The following RCN3 variants were observed in gnomAD, a reference collection of about 807,000 sequenced individuals.
The protein encoded by RCN3 is reticulocalbin 3, also known as reticulocalbin-3.
In RCN3, 41 loss-of-function variants were observed where a neutral mutation model predicts 35.9. The ratio of observed to expected loss-of-function variants is 1.14; its 90% confidence interval spans 0.89 to 1.48. RCN3 has a LOEUF of 1.48. Among genes scored for constraint, RCN3 ranks in the 40% most tolerant of loss-of-function variants. The pLI, the probability that RCN3 is intolerant of heterozygous loss-of-function variation, is 0.00. For synonymous variants in RCN3, 187 were observed against 193.4 expected, an observed-to-expected ratio of 0.97 and a Z score of 0.27; for missense variants, 451 against 471.3, an observed-to-expected ratio of 0.96 and a Z score of 0.40.
intron 5 of RCN3, among the ~76,000 whole-genome samples, chr19:49,541,024 A>C (rs1317611346): frequency 1.3e-5 from 2 of 150,668 alleles, no homozygotes; most frequent in Middle Eastern, 3.5e-3. Context: ...TCCGCCTCCC[A>C]GGTTCAAGCA....
chr19:49,535,062 G>C (rs111794900), intron 3 of RCN3, among the ~76,000 whole-genome samples: 1 of 151,996 alleles, frequency 6.6e-6, no homozygotes, highest in South Asian at 2.1e-4. Context: ...CTCCGGGGGC[G>C]GGGTTCTTCA....
rs1313048452 is a variant in RCN3, at chr19:49,543,384, C to A, written c.*171C>A. 4 of 621,392 alleles carry A rather than the reference C, an allele frequency of 6.4e-6. No individual in the cohort carries two copies. In the South Asian group the frequency reaches 7.4e-5, roughly 11 times the overall value. 38.5% of individuals were successfully genotyped at this position (621,392 alleles called of 1,614,324 possible). A position where few individuals can be genotyped will look rare whatever the true frequency, so the allele number is the denominator to read the frequency against. ...TGGGTCGGCTTCTGTCCCTGTCACACCCCCAACCCCAGGGAGGGGCTGTCA... is the reference window on the plus strand; with the variant it reads ...TGGGTCGGCTTCTGTCCCTGTCACAACCCCAACCCCAGGGAGGGGCTGTCA... On this transcript the variant is annotated 3_prime_UTR_variant, in exon 7 of 7. Coordinates refer to ENST00000270645, the MANE Select transcript of RCN3 (RefSeq NM_020650.3).
At chr19:49,529,011 G>A (rs1413026915) in intron 2 of RCN3, among the ~76,000 whole-genome samples, 4 of 151,970 alleles carry the variant, frequency 2.6e-5, no homozygotes, top group Admixed American at 1.3e-4. Context: ...GTGAAATCCC[G>A]TCTCTACTAA....
chr19:49,542,559 T>C lies in RCN3; in HGVS notation c.686T>C (p.Leu229Pro), dbSNP rs773191370. The change falls in exon 6 of 7, where the codon CTG (leucine) becomes CCG (proline). Residue 229 changes from leucine (L) to proline (P), a missense_variant. By Grantham distance (98) the Leu-to-Pro change is moderately conservative. Transcript: ENST00000270645. ...YVQVEEYIAD[L>P]YSAEPGEEEP... ...CCTCTGTCCCGGCCCCCAGCGGATC[T>C]GTACTCAGCCGAGCCTGGGGAGGAG... is the stretch of plus-strand genomic sequence containing the variant. 3.8e-6 allele frequency: 6 copies of C among 1,596,680 alleles called. 1 individual carries two copies. In the South Asian group the frequency reaches 5.7e-5, roughly 15 times the overall value.
intron 6 of RCN3, among the ~76,000 whole-genome samples, 154 bp downstream of exon 6, chr19:49,542,906 A>AG (rs1255402721): frequency 8.5e-5 from 13 of 152,114 alleles, no homozygotes; most frequent in Admixed American, 3.9e-4. Flanking sequence ...GAGGGCACGG[A>AG]GCCCCAGAAA....
In RCN3 at chr19:49,542,892, A is replaced by C. The variant is rs1184964380; in HGVS notation, c.879+140A>C. 3.2e-6 allele frequency: 3 copies of C among 942,466 alleles called. No homozygotes were observed. In the East Asian group the frequency reaches 7.9e-5, roughly 25 times the overall value. The allele number at this position is 942,466 out of a possible 1,614,324, so 58.4% of individuals were successfully genotyped here. On this transcript the variant is annotated intron_variant, in intron 6 of 6. Transcript: ENST00000270645. ...AAAGAGGGACAGAGAGAGGGAGGAA[A>C]AGAGAGGGCACGGAGCCCCAGAAAG...
At chr19:49,532,145 A>G (rs1183979990) in intron 2 of RCN3, among the ~76,000 whole-genome samples, 1 of 100,338 alleles carries the variant, frequency 1.0e-5, no homozygotes, top group Non-Finnish European at 1.9e-5. Context: ...TCACTCTGTC[A>G]TCCAGGCTGG....
chr19:49,542,781 A>C (rs1568713350), intron 6 of RCN3, 29 bp downstream of exon 6: 2 of 1,550,494 alleles, frequency 1.3e-6, no homozygotes, highest in Admixed American at 3.9e-5. Flanking sequence ...GGCAGGAGCG[A>C]GGAGCGGGTG....
At chr19:49,528,425 C>T (rs376221575) in intron 1 of RCN3, 42 bp from the exon 2 acceptor site, 2 of 1,452,040 alleles carry the variant, frequency 1.4e-6, no homozygotes, top group Non-Finnish European at 1.8e-6. Flanking sequence ...TGTCTGTCCC[C>T]ATCCCTGTGA....
At chr19:49,537,450 C>A (rs2122732254) in intron 4 of RCN3, among the ~76,000 whole-genome samples, 1 of 152,242 alleles carries the variant, frequency 6.6e-6, no homozygotes, top group Non-Finnish European at 1.5e-5. Context: ...CATTTGGGGT[C>A]CAGGCCCCCA....
In RCN3 at chr19:49,539,182, G is replaced by T. The variant is rs374733821; in HGVS notation, c.679+3G>T. 3.7e-5 allele frequency: 59 copies of T among 1,609,434 alleles called. No individual in the cohort carries two copies. In the African/African-American group the frequency reaches 6.6e-4, roughly 18 times the overall value. On this transcript the variant is annotated splice_donor_region_variant and intron_variant, in intron 5 of 6. Transcript: ENST00000270645. ...TGTCCAGGTGGAGGAGTACATCGGT[G>T]AGTGGGCCCCAATTTCTTCTTGGGA... is the stretch of plus-strand genomic sequence containing the variant.
intron 2 of RCN3, among the ~76,000 whole-genome samples, chr19:49,529,230 T>G (rs2080096799): frequency 6.6e-6 from 1 of 152,102 alleles, no homozygotes; most frequent in Middle Eastern, 3.2e-3. Context: ...CAGCAAAATC[T>G]GGGTTAGATT....
chr19:49,533,583 G>C (rs1291649134), intron 2 of RCN3, among the ~76,000 whole-genome samples: 1 of 152,094 alleles, frequency 6.6e-6, no homozygotes, highest in Non-Finnish European at 1.5e-5. Flanking sequence ...CCGGGGTTGC[G>C]GGTGATGGTC....
At chr19:49,540,161 C>CTGTG (rs142600017) in intron 5 of RCN3, among the ~76,000 whole-genome samples, 4 of 151,214 alleles carry the variant, frequency 2.6e-5, no homozygotes, top group East Asian at 1.9e-4. Context: ...ATCTGTCTGT[C>CTGTG]TGTGTGTGTG....
chr19:49,540,956 G>T (rs1368153443), intron 5 of RCN3, among the ~76,000 whole-genome samples: 1 of 147,948 alleles, frequency 6.8e-6, no homozygotes, highest in African/African-American at 2.5e-5. Context: ...TTGAGACAGA[G>T]TCTCGCTATT....
At chr19:49,538,904 C>G (rs1023452305) in intron 4 of RCN3, among the ~76,000 whole-genome samples, 5 of 152,134 alleles carry the variant, frequency 3.3e-5, no homozygotes, top group African/African-American at 1.2e-4. Flanking sequence ...TGGGCTCTGG[C>G]CCCGTAAATG....
chr19:49,533,963 C>T (rs1344859844), intron 2 of RCN3, among the ~76,000 whole-genome samples: 1 of 152,090 alleles, frequency 6.6e-6, no homozygotes, highest in Non-Finnish European at 1.5e-5. Context: ...CAGGCCCGCT[C>T]GTTCTGGAGA....
At chr19:49,528,737 G>T (rs1486426550) in intron 2 of RCN3, 23 bp downstream of exon 2, 7 of 1,548,750 alleles carry the variant, frequency 4.5e-6, no homozygotes, top group Middle Eastern at 3.5e-4. Context: ...TTCGGTTGGG[G>T]CGTGTCCAGA....
In RCN3 at chr19:49,530,190, A is replaced by T. The variant is rs1026418877; in HGVS notation, c.242+1476A>T. Among the ~76,000 whole-genome samples the T allele has an allele frequency of 6.2e-5, 9 of 146,104 alleles. No individual in the cohort carries two copies. In the South Asian group the frequency reaches 6.5e-4, roughly 11 times the overall value. On this transcript the variant is annotated intron_variant, in intron 2 of 6. Coordinates refer to ENST00000270645, the MANE Select transcript of RCN3 (RefSeq NM_020650.3). ...CTTTTTTTTTTTTGGAGACAGAGTG[A>T]GACTCTGTCTCCCGGGCTAGAGTGC...
Sources: allele counts gnomAD v4.1 joint callset (sites outside exome capture counted in the v4.1 genomes callset), GRCh38; gene constraint gnomAD v4.1.1; transcripts MANE v1.5; gene names NCBI Gene and HGNC (gene_info 2026-07-23, HGNC 2026-07-21).